The following C1S variants were observed in gnomAD, a reference collection of about 807,000 sequenced individuals.
C1S encodes the protein complement C1s subcomponent.
Under a neutral mutation model 54.0 loss-of-function variants are expected in C1S, and 31 were observed. The ratio of observed to expected loss-of-function variants is 0.57; its 90% confidence interval spans 0.43 to 0.78. The LOEUF (loss-of-function observed/expected upper bound fraction) is 0.78, where lower values mean the gene tolerates loss of function less well. Ranked by LOEUF, C1S falls within the 30% of genes least tolerant of loss-of-function variation. C1S has a pLI of 0.00. For missense variants in C1S, 727 were observed against 851.8 expected, an observed-to-expected ratio of 0.85 and a Z score of 1.82; for synonymous variants, 292 against 303.6, an observed-to-expected ratio of 0.96 and a Z score of 0.40.
At chr12:7,063,830 G>C in intron 4 of C1S, 1 of 365,224 alleles carries the variant, frequency 2.7e-6, no homozygotes, top group Non-Finnish European at 5.4e-6. Context: ...TTCAAGACCA[G>C]CCTGGCCAAC....
chr12:7,067,585 ACT>A, intron 9 of C1S, 56 bp from the exon 10 acceptor site: 1 of 1,603,672 alleles, frequency 6.2e-7, no homozygotes, highest in Non-Finnish European at 8.5e-7. Flanking sequence ...TGGCCCCATG[ACT>A]CTTCCTTGGA....
chr12:7,062,610 G>A lies in C1S; in HGVS notation c.141G>A (p.Gly47=), dbSNP rs1947112153. The change falls in exon 3 of 12, where the codon GGG becomes GGA. Residue 47 remains glycine (G), a synonymous_variant. Transcript: ENST00000360817. ...EKSWDIEVPE[G]YGIHLYFTHL... Reference sequence around the variant, plus strand: ...CTTGGGACATAGAAGTTCCTGAAGGGTATGGGATTCACCTCTACTTCACCC... The same window carrying A: ...CTTGGGACATAGAAGTTCCTGAAGGATATGGGATTCACCTCTACTTCACCC... 1.2e-6 allele frequency: 2 copies of A among 1,614,140 alleles called. No individual in the cohort carries two copies. The highest frequency in any genetic ancestry group is 2.7e-5 in the African/African-American group (2 of 75,046).
chr12:7,064,187 A>T lies in C1S; in HGVS notation c.392-80A>T, dbSNP rs1006256422. The stretch of plus-strand genomic sequence containing the variant: ...CAATAGGCCTTTCCTACTTTTTCTT[A>T]CCCTTATGGTTTTGGATTTAACCTC... On this transcript the variant is annotated intron_variant, in intron 4 of 11. Coordinates refer to ENST00000360817, the MANE Select transcript of C1S (RefSeq NM_001734.5). 4.7e-6 allele frequency: 7 copies of T among 1,478,916 alleles called. No homozygotes were observed. In the African/African-American group the frequency reaches 9.7e-5, roughly 21 times the overall value. The allele number at this position is 1,478,916 out of a possible 1,614,324, so 91.6% of individuals were successfully genotyped here.
chr12:7,062,842 C>G lies in C1S; in HGVS notation c.214-48C>G, dbSNP rs782454926. 1,676 of 1,599,188 alleles carry G rather than the reference C, an allele frequency of 1.0e-3. 27 individuals are homozygous for G. In the South Asian group the frequency reaches 0.017, roughly 16 times the overall value. ...TCTGTCCCTTCTTTTAACTCCATAC[C>G]AAAATATTACCCTTTCCTAGATTTT... On this transcript the variant is annotated intron_variant, in intron 3 of 11. Transcript: ENST00000360817.
Position 7,070,314 on chromosome 12 carries a change from A to G in C1S, c.1730A>G (p.Asp577Gly). The change falls in exon 12 of 12, where the codon GAT (aspartate) becomes GGT (glycine). Residue 577 changes from aspartate to glycine, a missense_variant. By Grantham distance (94) the Asp-to-Gly change is moderately conservative. This residue lies in a region of C1S where 360 missense variants were observed against 453.6 expected (regional missense o/e 0.79). Transcript: ENST00000360817. The surrounding 1 kb of genome is among the most constrained non-coding windows in gnomAD (Gnocchi z 4.9). ...ISGWGRTEKR[D>G]RAVRLKAARL... The stretch of plus-strand genomic sequence containing the variant: ...GGCTGGGGCCGAACAGAGAAGAGAG[A>G]TCGTGCTGTTCGCCTCAAGGCGGCA... 1 of 1,614,234 alleles carries G rather than the reference A, an allele frequency of 6.2e-7. No homozygotes were observed. The highest frequency in any genetic ancestry group is 8.5e-7 in the Non-Finnish European group (1 of 1,180,036).
At chr12:7,067,442 T>A in intron 9 of C1S, 1 of 728,970 alleles carries the variant, frequency 1.4e-6, no homozygotes, top group Non-Finnish European at 2.5e-6. Context: ...TGGGGCCATC[T>A]GAATTGGCAT....
chr12:7,062,801 T>C (rs1947115802), intron 3 of C1S, 89 bp from the exon 4 acceptor site: 1 of 1,529,086 alleles, frequency 6.5e-7, no homozygotes, highest in Non-Finnish European at 9.0e-7. Context: ...CCTAGTGGCA[T>C]AAATGTTCTA....
At position 7,060,761 on chromosome 12, in the gene C1S, C is replaced by T. The variant is rs995989760; in HGVS notation, c.-191C>T. 6.6e-6 allele frequency: 1 copy of T among 152,426 alleles called. No homozygotes were observed. Among genetic ancestry groups the T allele is most frequent in the Admixed American group, 6.5e-5 (1 of 15,284 alleles). The allele number at this position is 152,426 out of a possible 1,614,324, so 9.4% of individuals were successfully genotyped here. A position where few individuals can be genotyped will look rare whatever the true frequency, so the allele number is the denominator to read the frequency against. The stretch of plus-strand genomic sequence containing the variant: ...GGACAGGGAGGCTGGCCGGAGGTTC[C>T]TGCAGAGGGAGCGTCAAGGCCCTGT... On this transcript the variant is annotated 5_prime_UTR_variant, in exon 1 of 12. Coordinates refer to ENST00000360817, the MANE Select transcript of C1S (RefSeq NM_001734.5).
chr12:7,062,852 C>T (rs1947116526), intron 3 of C1S, 38 bp from the exon 4 acceptor site: 2 of 1,604,670 alleles, frequency 1.2e-6, no homozygotes, highest in South Asian at 1.1e-5. Flanking sequence ...CAAAATATTA[C>T]CCTTTCCTAG....
chr12:7,062,903 A>G lies in C1S; in HGVS notation c.227A>G (p.Asp76Gly). 2 of 1,613,814 alleles carry G rather than the reference A, an allele frequency of 1.2e-6. No individual in the cohort carries two copies. Among genetic ancestry groups the G allele is most frequent in the Non-Finnish European group, 1.7e-6 (2 of 1,179,934 alleles). The change falls in exon 4 of 12, where the codon GAC becomes GGC. Residue 76 changes from aspartate (D) to glycine (G), a missense_variant. Asp to Gly is a moderately conservative substitution (Grantham distance 94, BLOSUM62 -1). Coordinates refer to ENST00000360817, the MANE Select transcript of C1S (RefSeq NM_001734.5). ...CTCTTCTCTTAGATAATCTCAGGAG[A>G]CACTGAAGAAGGGAGGCTCTGTGGA... is the stretch of plus-strand genomic sequence containing the variant. ...AYDSVQIISG[D>G]TEEGRLCGQR... is the part of the protein sequence containing the mutation.
chr12:7,062,807 T>C, intron 3 of C1S, 83 bp from the exon 4 acceptor site: 1 of 1,542,976 alleles, frequency 6.5e-7, no homozygotes, highest in Non-Finnish European at 8.9e-7. Context: ...GGCATAAATG[T>C]TCTATTCTCT....
At chr12:7,068,600 T>C (rs1302993443) in intron 11 of C1S, 70 bp downstream of exon 11, 1 of 1,041,882 alleles carries the variant, frequency 9.6e-7, no homozygotes, top group Non-Finnish European at 1.5e-6. Context: ...TGAAAGCAAC[T>C]GTAATCCTCT....
At position 7,069,919 on chromosome 12, in the gene C1S, T is replaced by C. The variant is rs782181635; in HGVS notation, c.1335T>C (p.Asp445=). 6.2e-7 allele frequency: 1 copy of C among 1,614,174 alleles called. No individual in the cohort carries two copies. Among genetic ancestry groups the C allele is most frequent in the Non-Finnish European group, 8.5e-7 (1 of 1,180,032 alleles). ...KQRIIGGSDA[D]IKNFPWQVFF... is the part of the protein sequence containing the mutation. ...GGATAATTGGAGGATCCGATGCAGA[T>C]ATTAAAAACTTCCCCTGGCAAGTCT... Residue 445 remains aspartate, a synonymous_variant, in exon 12 of 12, where the codon GAT becomes GAC. Transcript: ENST00000360817.
chr12:7,069,935 T>C lies in C1S; in HGVS notation c.1351T>C (p.Trp451Arg). 1.2e-6 allele frequency: 2 copies of C among 1,614,166 alleles called. No individual in the cohort carries two copies. The highest frequency in any genetic ancestry group is 1.7e-6 in the Non-Finnish European group (2 of 1,180,008). ...CGATGCAGATATTAAAAACTTCCCCTGGCAAGTCTTCTTTGACAACCCATG... is the reference window on the plus strand; with the variant it reads ...CGATGCAGATATTAAAAACTTCCCCCGGCAAGTCTTCTTTGACAACCCATG... ...GSDADIKNFPWQVFFDNPWAG... is the reference protein window; with the variant it reads ...GSDADIKNFPRQVFFDNPWAG... Residue 451 changes from tryptophan to arginine, a missense_variant, in exon 12 of 12, where the codon TGG becomes CGG. This residue lies in a region of C1S where 360 missense variants were observed against 453.6 expected (regional missense o/e 0.79). Transcript: ENST00000360817.
chr12:7,062,796 T>G, intron 3 of C1S, 94 bp from the exon 4 acceptor site: 1 of 1,509,172 alleles, frequency 6.6e-7, no homozygotes, highest in South Asian at 1.1e-5. Context: ...CAAGTCCTAG[T>G]GGCATAAATG....
At chr12:7,064,498 A>T in intron 5 of C1S, 106 bp downstream of exon 5, 2 of 1,034,976 alleles carry the variant, frequency 1.9e-6, no homozygotes. Flanking sequence ...CCAAGCCTTC[A>T]TTTGGCACTT....
chr12:7,065,754 A>T, intron 6 of C1S, 63 bp from the exon 7 acceptor site: 3 of 1,380,314 alleles, frequency 2.2e-6, no homozygotes, highest in Non-Finnish European at 1.0e-6. Context: ...TGTATCTCCC[A>T]CTTCCCAATT....
At chr12:7,061,671 A>G in intron 1 of C1S, 168 bp from the exon 2 acceptor site, 2 of 610,970 alleles carry the variant, frequency 3.3e-6, no homozygotes, top group South Asian at 3.6e-5. Flanking sequence ...AAGTTAGTCG[A>G]AGTTAACTAG....
At chr12:7,061,620 A>G in intron 1 of C1S, 1 of 504,490 alleles carries the variant, frequency 2.0e-6, no homozygotes, top group Non-Finnish European at 3.6e-6. Flanking sequence ...GAAAGTCTAG[A>G]GAAGCAATGA....
Sources: gnomAD v4.1 joint callset for allele counts on GRCh38, gnomAD v4.1.1 for gene constraint, gnomAD v4.1.1 regional missense constraint, Gnocchi (gnomAD v3.1) non-coding constraint, MANE v1.5 for transcripts, NCBI Gene and HGNC (gene_info 2026-07-23, HGNC 2026-07-21) for gene names.